Variants in NPHS1 observed in about 807,000 individuals in gnomAD.
The protein encoded by NPHS1 is NPHS1 adhesion molecule, nephrin, also known as nephrin.
In NPHS1, 107 loss-of-function variants were observed where a neutral mutation model predicts 139.7. That is an observed-to-expected ratio of 0.77 (90% CI 0.66 to 0.90). NPHS1 has a LOEUF of 0.90. NPHS1 is among the 40% of genes least tolerant of loss of function. NPHS1 has a pLI of 0.00. For missense variants in NPHS1, 1,580 were observed against 1,654.2 expected (o/e 0.96, Z 0.78); for synonymous variants, 707 against 706.6 (o/e 1.00, Z -0.01).
chr19:35,847,480 C>T (rs1223169075), intron 11 of NPHS1, among the ~76,000 whole-genome samples: 2 of 150,820 alleles, frequency 1.3e-5, no homozygotes, highest in Non-Finnish European at 3.0e-5. Flanking sequence ...TCAGCCTCTC[C>T]AGTAGCTGGG....
Position 35,849,138 on chromosome 19 carries a change from G to C in NPHS1, c.850C>G (p.Pro284Ala). The C allele has an allele frequency of 2.5e-6, 4 of 1,610,118 alleles. No homozygotes were observed. The highest frequency in any genetic ancestry group is 3.4e-6 in the Non-Finnish European group (4 of 1,180,016). ...TCTGTGCCCCACGCTGTGGACACCG[G>C]CTGGCCATTCTGGAGACAGGGACAG... ...ATLQWLKNGQ[P>A]VSTAWGTEHT... Residue 284 changes from proline to alanine, a missense_variant, in exon 8 of 29, where the codon CCG (proline) becomes GCG (alanine). Physicochemically the swap from Pro to Ala is conservative, Grantham distance 27 (BLOSUM62 -1). Coordinates refer to ENST00000378910, the MANE Select transcript of NPHS1 (RefSeq NM_004646.4).
rs1216929720 is a variant in NPHS1 at position 35,841,709 on chromosome 19, CCATA to C, written c.2815+2_2815+5del. 6.2e-7 allele frequency: 1 copy of C among 1,614,140 alleles called. No individual in the cohort carries two copies. The highest frequency in any genetic ancestry group is 8.5e-7 in the Non-Finnish European group (1 of 1,180,024). ...CCTCCCCAACACCCTCACAGCCCCTCCATACTGATGCTGACAAGTTGAATGTTGG... is the reference window on the plus strand; with the variant it reads ...CCTCCCCAACACCCTCACAGCCCCTCCTGATGCTGACAAGTTGAATGTTGG... On this transcript the variant is annotated splice_donor_variant and splice_donor_5th_base_variant and intron_variant, in intron 20 of 28. Coordinates refer to ENST00000378910, the MANE Select transcript of NPHS1 (RefSeq NM_004646.4). LOFTEE classifies it high-confidence loss of function.
Position 35,848,721 on chromosome 19 carries a change from G to A in NPHS1, c.1086C>T (p.Val362=). The A allele has an allele frequency of 1.2e-6, 2 of 1,614,204 alleles. No homozygotes were observed. Among genetic ancestry groups the A allele is most frequent in the Non-Finnish European group, 8.5e-7 (1 of 1,180,040 alleles). ...GAACCCGCGGGCGACTGGACTTGCT[G>A]ACACAGGAGAGTGTCACGTTCTTGT... ...TENKNVTLSC[V]SKSSRPRVLL... Residue 362 remains valine (V), a synonymous_variant, in exon 9 of 29, where the codon GTC becomes GTT. Coordinates refer to ENST00000378910, the MANE Select transcript of NPHS1 (RefSeq NM_004646.4).
intron 16 of NPHS1, 175 bp downstream of exon 16, chr19:35,843,928 T>C: frequency 1.1e-6 from 1 of 883,742 alleles, no homozygotes; most frequent in Non-Finnish European, 1.7e-6. Context: ...ACTGGGTCTC[T>C]CTAGTGGGAG....
chr19:35,834,536 G>A (rs556316159), intron 23 of NPHS1, among the ~76,000 whole-genome samples: 199 of 151,896 alleles, frequency 1.3e-3, no homozygotes, highest in African/African-American at 4.4e-3. Context: ...TAATTCTTAC[G>A]GAATTAAACT....
At chr19:35,849,766 T>C in intron 5 of NPHS1, 113 bp from the exon 6 acceptor site, 1 of 771,036 alleles carries the variant, frequency 1.3e-6, no homozygotes, top group Non-Finnish European at 2.3e-6. Context: ...TAAGTCCCCA[T>C]GCTGATCTCC....
chr19:35,836,888 T>C (rs1182118610), intron 22 of NPHS1, among the ~76,000 whole-genome samples: 1 of 149,924 alleles, frequency 6.7e-6, no homozygotes, highest in African/African-American at 2.5e-5. Flanking sequence ...CCCAGCTACT[T>C]GGAAGGCTAA....
In NPHS1 at chr19:35,845,543, G is replaced by T; in HGVS notation, c.1758-3C>A. The T allele has an allele frequency of 6.2e-7, 1 of 1,611,624 alleles. No homozygotes were observed. Among genetic ancestry groups the T allele is most frequent in the Non-Finnish European group, 8.5e-7 (1 of 1,179,014 alleles). ...GTGGGGCGGCCACGCCCTCCAGCCT[G>T]TGGAACCGGGGTCAAGCCAGGGCTG... On this transcript the variant is annotated splice_region_variant and splice_polypyrimidine_tract_variant and intron_variant, in intron 13 of 28. Transcript: ENST00000378910. The surrounding 1 kb of genome is among the most constrained non-coding windows in gnomAD (Gnocchi z 5.5).
intron 23 of NPHS1, among the ~76,000 whole-genome samples, chr19:35,834,231 C>T (rs1972923695): frequency 6.6e-6 from 1 of 152,072 alleles, no homozygotes; most frequent in African/African-American, 2.4e-5. Flanking sequence ...CTTTTGACCC[C>T]CGTGACCACC....
At position 35,842,394 on chromosome 19, in the gene NPHS1, G is replaced by A. The variant is rs386833915; in HGVS notation, c.2491C>T (p.Arg831Cys). 3.2e-5 allele frequency: 51 copies of A among 1,613,908 alleles called. No homozygotes were observed. Among genetic ancestry groups the A allele is most frequent in the African/African-American group, 6.7e-5 (5 of 74,912 alleles). ...TAATACCCACATCTGACAACAAGAC[G>A]GAGCAGCCGTCGTGCTGGAGGCGCC... ...GVAPPARRLL[R>C]LVVRFAPQVE... The change falls in exon 18 of 29, where the codon CGT becomes TGT. Residue 831 changes from arginine (R) to cysteine (C), a missense_variant. Arg to Cys is a radical substitution (Grantham distance 180). Transcript: ENST00000378910.
rs1459119408 is a variant in NPHS1, at chr19:35,851,462, G to A, written c.269C>T (p.Ala90Val). 6.2e-7 allele frequency: 1 copy of A among 1,613,468 alleles called. No homozygotes were observed. The highest frequency in any genetic ancestry group is 1.7e-5 in the Admixed American group (1 of 59,980). ...CTCAGGCTCTGATCCCTTACCTCTA[G>A]CAGGGTCCCCTTCCAGGCGGTACCT... ...FPRYRLEGDP[A>V]RGEFHLHIEA... Residue 90 changes from alanine (A) to valine (V), a missense_variant, in exon 2 of 29, where the codon GCT (alanine) becomes GTT (valine). By Grantham distance (64) the Ala-to-Val change is moderately conservative. Transcript: ENST00000378910.
At position 35,850,462 on chromosome 19, in the gene NPHS1, G is replaced by A. The variant is rs1973222388; in HGVS notation, c.527-17C>T. On this transcript the variant is annotated splice_polypyrimidine_tract_variant and intron_variant, in intron 4 of 28. Transcript: ENST00000378910. ...TCTGTCCACCTTGGGGCAGCAAGAG[G>A]GCTAGAGGGGTTCCAGGCTCCCCGC... 6 of 1,609,756 alleles carry A rather than the reference G, an allele frequency of 3.7e-6. No homozygotes were observed. Among genetic ancestry groups the A allele is most frequent in the Non-Finnish European group, 5.1e-6 (6 of 1,176,132 alleles).
chr19:35,825,435 A>G lies in NPHS1; in HGVS notation c.*1079T>C, dbSNP rs1972788758. Among the ~76,000 whole-genome samples the G allele has an allele frequency of 6.6e-6, 1 of 152,136 alleles. No homozygotes were observed. Among genetic ancestry groups the G allele is most frequent in the Non-Finnish European group, 1.5e-5 (1 of 68,026 alleles). On this transcript the variant is annotated 3_prime_UTR_variant, in exon 29 of 29. Coordinates refer to ENST00000378910, the MANE Select transcript of NPHS1 (RefSeq NM_004646.4). ...GTACAATAAAAATGCACCCATCTTA[A>G]GTGTAAAGTTCAATGAGTTTTGACA...
In NPHS1 at chr19:35,841,768, G is replaced by T; in HGVS notation, c.2762C>A (p.Thr921Lys). 2 of 1,614,150 alleles carry T rather than the reference G, an allele frequency of 1.2e-6. No homozygotes were observed. Among genetic ancestry groups the T allele is most frequent in the Non-Finnish European group, 1.7e-6 (2 of 1,180,028 alleles). Reference sequence around the variant, plus strand: ...GTCCGAGCCAAGGGCGTTGGTGGCTGTACATGTGAAGAGGGCGTAATCCTG... The same window carrying T: ...GTCCGAGCCAAGGGCGTTGGTGGCTTTACATGTGAAGAGGGCGTAATCCTG... ...AAQDYALFTC[T>K]ATNALGSDQT... Residue 921 changes from threonine (T) to lysine (K), a missense_variant, in exon 20 of 29, where the codon ACA (threonine) becomes AAA (lysine). Transcript: ENST00000378910.
At chr19:35,843,964 C>T (rs963815396) in intron 16 of NPHS1, 139 bp downstream of exon 16, 9 of 1,248,834 alleles carry the variant, frequency 7.2e-6, no homozygotes, top group Non-Finnish European at 1.0e-5. Flanking sequence ...CGTGGTTACA[C>T]CGCGGCTGGG....
intron 28 of NPHS1, 66 bp from the exon 29 acceptor site, chr19:35,826,711 G>A (rs1025127601): frequency 2.6e-6 from 4 of 1,543,296 alleles, no homozygotes; most frequent in African/African-American, 2.7e-5. Context: ...TGAAGATCTG[G>A]GGGATACATG....
At chr19:35,846,716 A>G (rs1288879802) in intron 11 of NPHS1, among the ~76,000 whole-genome samples, 2 of 152,126 alleles carry the variant, frequency 1.3e-5, no homozygotes, top group African/African-American at 2.4e-5. Flanking sequence ...TAAACTTTCC[A>G]TAGATTTCTG....
Position 35,843,170 on chromosome 19 carries a change from T to C in NPHS1, c.2334+302A>G, listed in dbSNP as rs118043762. On this transcript the variant is annotated intron_variant, in intron 17 of 28. Coordinates refer to ENST00000378910, the MANE Select transcript of NPHS1 (RefSeq NM_004646.4). ...TCTTCCCACCCATCCACTCACCCAT[T>C]TATCCATCCTTTCACTTGTCCATCT... 5.9e-5 allele frequency among the ~76,000 whole-genome samples: 9 copies of C among 152,068 alleles called. No individual in the cohort carries two copies. In the East Asian group the frequency reaches 1.7e-3, roughly 29 times the overall value.
chr19:35,836,084 C>CA (rs1405260306), intron 22 of NPHS1, among the ~76,000 whole-genome samples: 44 of 26,108 alleles, frequency 1.7e-3, no homozygotes, highest in African/African-American at 5.8e-3. Context: ...CTCAGCCTCC[C>CA]AAGTAGCTGG....
Sources: gnomAD v4.1 joint callset for allele counts (sites outside exome capture counted in the v4.1 genomes callset) on GRCh38, gnomAD v4.1.1 for gene constraint, Gnocchi (gnomAD v3.1) non-coding constraint, MANE v1.5 for transcripts, NCBI Gene and HGNC (gene_info 2026-07-23, HGNC 2026-07-21) for gene names.